The following ZNF28 variants were observed in gnomAD, a reference collection of about 807,000 sequenced individuals.
ZNF28 encodes zinc finger protein KOX24.
Under a neutral mutation model 7.2 loss-of-function variants are expected in ZNF28, and 5 were observed. The ratio of observed to expected loss-of-function variants is 0.70; its 90% CI spans 0.36 to 1.46. The LOEUF is 1.46. Ranked by LOEUF, ZNF28 falls within the 40% of genes most tolerant of loss-of-function variation. The probability of loss-of-function intolerance (pLI) is 0.03; values close to 1 mark genes in which losing one functional copy is unlikely to be tolerated. For missense variants in ZNF28, 879 were observed against 866.6 expected (o/e 1.01, Z -0.18); for synonymous variants, 288 against 292.4 (o/e 0.99, Z 0.15).
chr19:52,809,927 G>C, intron 2 of ZNF28: 3 of 858,286 alleles, frequency 3.5e-6, no homozygotes, highest in South Asian at 2.8e-5. Flanking sequence ...CCGGTGGGGA[G>C]GCCGGGGAGG....
chr19:52,798,359 A>G lies in ZNF28; in HGVS notation c.*1329T>C. 1 of 345,418 alleles carries G rather than the reference A, an allele frequency of 2.9e-6. No individual in the cohort carries two copies. The highest frequency in any genetic ancestry group is 5.7e-6 in the Non-Finnish European group (1 of 175,806). The allele number at this position is 345,418 out of a possible 1,614,324, so 21.4% of individuals were successfully genotyped here. ...AATGCTTAAACTCAATGTTAAGTCAACTCAAACTCAGGTCAGTGCTCATTT... is the reference window on the plus strand; with the variant it reads ...AATGCTTAAACTCAATGTTAAGTCAGCTCAAACTCAGGTCAGTGCTCATTT... On this transcript the variant is annotated 3_prime_UTR_variant, in exon 4 of 4. Transcript: ENST00000457749.
chr19:52,800,613 T>C lies in ZNF28; in HGVS notation c.1232A>G (p.Tyr411Cys). ...AGCCTTGTCACAAACCTTACATTTGTATGGTTTCTCTCCAGTATGAATCCT... is the reference window on the plus strand; with the variant it reads ...AGCCTTGTCACAAACCTTACATTTGCATGGTTTCTCTCCAGTATGAATCCT... ...HKRIHTGEKP[Y>C]KCKVCDKAFA... The change falls in exon 4 of 4, where the codon TAC becomes TGC. Residue 411 changes from tyrosine to cysteine, a missense_variant. Coordinates refer to ENST00000457749, the MANE Select transcript of ZNF28 (RefSeq NM_006969.5). 6.2e-7 allele frequency: 1 copy of C among 1,614,018 alleles called. No homozygotes were observed. The highest frequency in any genetic ancestry group is 8.5e-7 in the Non-Finnish European group (1 of 1,179,952).
At chr19:52,814,427 C>G (rs1310969095) in intron 2 of ZNF28, 1 of 145,618 alleles carries the variant, frequency 6.9e-6, no homozygotes, top group African/African-American at 2.7e-5. Flanking sequence ...ACCGTCTCTC[C>G]TAAAAATACA....
chr19:52,811,062 GT>G (rs751626547), intron 2 of ZNF28, among the ~76,000 whole-genome samples: 46 of 142,178 alleles, frequency 3.2e-4, no homozygotes, highest in Non-Finnish European at 2.3e-4. Context: ...ACTGGTTTTC[GT>G]TTTTTTTTTT....
rs778678023 is a variant in ZNF28, at chr19:52,801,612, G to C, written c.233C>G (p.Ala78Gly). The C allele has an allele frequency of 3.1e-6, 5 of 1,613,986 alleles. No homozygotes were observed. In the East Asian group the frequency reaches 8.9e-5, roughly 29 times the overall value. ...AFHTGTLQRQ[A>G]SHHIGDFCFQ... Reference sequence around the variant, plus strand: ...GCAAAAATCTCCAATGTGATGACTTGCTTGTCTTTGCAATGTCCCTGTGTG... The same window carrying C: ...GCAAAAATCTCCAATGTGATGACTTCCTTGTCTTTGCAATGTCCCTGTGTG... Residue 78 changes from alanine (A) to glycine (G), a missense_variant, in exon 4 of 4, where the codon GCA (alanine) becomes GGA (glycine). Coordinates refer to ENST00000457749, the MANE Select transcript of ZNF28 (RefSeq NM_006969.5).
chr19:52,811,839 G>T (rs1323581868), intron 2 of ZNF28, among the ~76,000 whole-genome samples: 1 of 145,994 alleles, frequency 6.8e-6, no homozygotes. Flanking sequence ...CCCCTACTGG[G>T]AAGTGAGGAC....
chr19:52,810,314 C>A, intron 2 of ZNF28: 1 of 1,585,852 alleles, frequency 6.3e-7, no homozygotes, highest in Non-Finnish European at 8.6e-7. Context: ...CCCGTTCCAT[C>A]AATGCTGGCA....
At chr19:52,810,419 T>G in intron 2 of ZNF28, 1 of 1,603,788 alleles carries the variant, frequency 6.2e-7, no homozygotes, top group Middle Eastern at 1.8e-4. Context: ...ACAAATTTAG[T>G]GGCCATCCCA....
chr19:52,808,276 T>C (rs1474213620), intron 2 of ZNF28, 143 bp from the exon 3 acceptor site: 2 of 1,468,782 alleles, frequency 1.4e-6, no homozygotes, highest in Admixed American at 2.4e-5. Context: ...CCACATGATG[T>C]TTTTATTATA....
chr19:52,811,905 G>C (rs969811055), intron 2 of ZNF28, among the ~76,000 whole-genome samples: 1 of 113,474 alleles, frequency 8.8e-6, no homozygotes, highest in Admixed American at 8.3e-5. Context: ...ACAGCCCCCC[G>C]CCCGGCCAGC....
Position 52,800,898 on chromosome 19 carries a change from G to A in ZNF28, c.947C>T (p.Thr316Ile), listed in dbSNP as rs140236012. The A allele has an allele frequency of 5.4e-5, 87 of 1,612,562 alleles. No homozygotes were observed. The highest frequency in any genetic ancestry group is 6.7e-5 in the Non-Finnish European group (79 of 1,179,542). ...CCCTCCAGTATAAATTATCTTATGTGTTTCAAGGTGTGATTTGCGACTGAA... is the reference window on the plus strand; with the variant it reads ...CCCTCCAGTATAAATTATCTTATGTATTTCAAGGTGTGATTTGCGACTGAA... ...KVFSRKSHLE[T>I]HKIIYTGGKP... The change falls in exon 4 of 4, where the codon ACA becomes ATA. Residue 316 changes from threonine (T) to isoleucine (I), a missense_variant. Thr to Ile is a moderately conservative substitution (Grantham distance 89). Coordinates refer to ENST00000457749, the MANE Select transcript of ZNF28 (RefSeq NM_006969.5).
At chr19:52,810,369 C>T in intron 2 of ZNF28, 2 of 1,604,990 alleles carry the variant, frequency 1.2e-6, no homozygotes, top group Non-Finnish European at 1.7e-6. Flanking sequence ...AGCTCACTTT[C>T]ATGGCTGTGG....
rs889531585 is a variant in ZNF28 at position 52,801,778 on chromosome 19, CA to C, written c.143-77del. 4 of 1,338,112 alleles carry C rather than the reference CA, an allele frequency of 3.0e-6. No homozygotes were observed. The African/African-American group carries it at 4.4e-5, about 15-fold the overall frequency. 82.9% of individuals were successfully genotyped at this position (1,338,112 alleles called of 1,614,324 possible). On this transcript the variant is annotated intron_variant, in intron 3 of 3. Coordinates refer to ENST00000457749, the MANE Select transcript of ZNF28 (RefSeq NM_006969.5). ...AATACTGAAATGTGTAAATATGACA[CA>C]AAAAACAATACTTATTTTAAACTTC...
chr19:52,813,259 A>AAAAAAAAAAAG (rs2063077742), intron 2 of ZNF28, among the ~76,000 whole-genome samples: 1 of 148,300 alleles, frequency 6.7e-6, no homozygotes, highest in African/African-American at 2.5e-5. Flanking sequence ...GAAAAAAAAA[A>AAAAAAAAAAAG]AAAAAAAAAA....
Position 52,799,484 on chromosome 19 carries a change from T to C in ZNF28, c.*204A>G, listed in dbSNP as rs10410012. ...TTCTATGATGACGTGCAAGGGTTGTTTTTTGATTAAAAACCTTGCCACATT... is the reference window on the plus strand; with the variant it reads ...TTCTATGATGACGTGCAAGGGTTGTCTTTTGATTAAAAACCTTGCCACATT... On this transcript the variant is annotated 3_prime_UTR_variant, in exon 4 of 4. Transcript: ENST00000457749. The C allele has an allele frequency of 0.88, 863,751 of 982,432 alleles. 381,249 individuals carry two copies. The highest frequency in any genetic ancestry group is 0.93 in the East Asian group (38,996 of 41,836). The allele number at this position is 982,432 out of a possible 1,614,324, so 60.9% of individuals were successfully genotyped here.
chr19:52,808,110 C>T lies in ZNF28; in HGVS notation c.39G>A (p.Val13=). The T allele has an allele frequency of 6.2e-7, 1 of 1,613,178 alleles. No homozygotes were observed. Among genetic ancestry groups the T allele is most frequent in the South Asian group, 1.1e-5 (1 of 91,080 alleles). The change falls in exon 3 of 4, where the codon GTG becomes GTA. Residue 13 remains valine, a synonymous_variant. Transcript: ENST00000457749. ...ACTCCTCCTGAGAGAATTCTATGGC[C>T]ACGTCCCTGAATGTCAATAGACCCT... ...LPQGLLTFRD[V]AIEFSQEEWK...
intron 2 of ZNF28, chr19:52,809,971 G>T: frequency 1.3e-6 from 1 of 790,476 alleles, no homozygotes; most frequent in South Asian, 1.4e-5. Flanking sequence ...GATGGGAACG[G>T]CCTGGAGTCT....
rs1031571182 is a variant in ZNF28 at position 52,798,562 on chromosome 19, G to A, written c.*1126C>T. ...TGGATTCTCTGATGTCTATTGAGGT[G>A]TGAATGTGAAGTAAACGCTTTGCCA... On this transcript the variant is annotated 3_prime_UTR_variant, in exon 4 of 4. Transcript: ENST00000457749. The A allele has an allele frequency of 2.0e-6, 1 of 500,358 alleles. No individual in the cohort carries two copies. Among genetic ancestry groups the A allele is most frequent in the African/African-American group, 2.0e-5 (1 of 51,014 alleles). 31.0% of individuals were successfully genotyped at this position (500,358 alleles called of 1,614,324 possible).
At chr19:52,803,208 C>T (rs1378881005) in intron 3 of ZNF28, among the ~76,000 whole-genome samples, 1 of 152,100 alleles carries the variant, frequency 6.6e-6, no homozygotes, top group Non-Finnish European at 1.5e-5. Context: ...TTCTGAGCAC[C>T]TGGGAATGCA....
Sources: allele counts gnomAD v4.1 joint callset (sites outside exome capture counted in the v4.1 genomes callset), GRCh38; gene constraint gnomAD v4.1.1; transcripts MANE v1.5; gene names NCBI Gene and HGNC (gene_info 2026-07-23, HGNC 2026-07-21).